PRKCA: variants seen among roughly 807,000 people sequenced by gnomAD.
PRKCA encodes protein kinase C alpha type.
A neutral mutation model predicts 87.0 loss-of-function variants in PRKCA; 27 were observed. The ratio of observed to expected loss-of-function variants is 0.31; its 90% CI spans 0.23 to 0.43. PRKCA has a LOEUF of 0.43. PRKCA is among the 20% of genes least tolerant of loss of function. The probability of loss-of-function intolerance (pLI) is 1.00; values close to 1 mark genes in which losing one functional copy is unlikely to be tolerated. For synonymous variants in PRKCA, 329 were observed against 311.1 expected, an observed-to-expected ratio of 1.06 and a Z score of -0.61; for missense variants, 518 against 852.3, an observed-to-expected ratio of 0.61 and a Z score of 4.88.
At chr17:66,559,485 A>C (rs1301519639) in intron 3 of PRKCA, among the ~76,000 whole-genome samples, 2 of 132,186 alleles carry the variant, frequency 1.5e-5, no homozygotes, top group African/African-American at 5.1e-5. Context: ...TCACCAAAAA[A>C]AAAAAAAAAA....
chr17:66,385,215 T>C (rs1206645152), intron 2 of PRKCA, among the ~76,000 whole-genome samples: 1 of 152,176 alleles, frequency 6.6e-6, no homozygotes, highest in African/African-American at 2.4e-5. Flanking sequence ...ACTGGAGCAT[T>C]TGTTGCTTTC....
intron 8 of PRKCA, among the ~76,000 whole-genome samples, chr17:66,730,834 C>T (rs753253200): frequency 6.6e-6 from 1 of 152,200 alleles, no homozygotes; most frequent in Non-Finnish European, 1.5e-5. Context: ...CACAAGGGGG[C>T]TCAATCAGTA....
chr17:66,446,949 C>T (rs1914065896), intron 2 of PRKCA, among the ~76,000 whole-genome samples: 1 of 152,090 alleles, frequency 6.6e-6, no homozygotes. Context: ...TTTTTGTCAC[C>T]CAGCGATTTC....
intron 3 of PRKCA, among the ~76,000 whole-genome samples, chr17:66,623,353 T>A (rs1287886142): frequency 6.6e-6 from 1 of 152,206 alleles, no homozygotes; most frequent in Non-Finnish European, 1.5e-5. Flanking sequence ...TTTAGAGACC[T>A]TGGAAGCCTG....
chr17:66,584,095 T>C (rs1193989580), intron 3 of PRKCA, among the ~76,000 whole-genome samples: 3 of 152,206 alleles, frequency 2.0e-5, no homozygotes, highest in African/African-American at 7.2e-5. Flanking sequence ...TTCCCCCACG[T>C]CGTCCTGGCT....
intron 2 of PRKCA, among the ~76,000 whole-genome samples, chr17:66,375,469 C>G (rs1292062879): frequency 1.3e-5 from 2 of 152,116 alleles, no homozygotes; most frequent in Non-Finnish European, 2.9e-5. Context: ...GATGGTGCTT[C>G]TAGCTGATCC....
At chr17:66,378,496 C>A (rs961179095) in intron 2 of PRKCA, among the ~76,000 whole-genome samples, 3 of 152,084 alleles carry the variant, frequency 2.0e-5, no homozygotes, top group Non-Finnish European at 4.4e-5. Context: ...CAGAAAGAAA[C>A]CCCAGACCCC....
At chr17:66,574,338 C>T (rs1309112910) in intron 3 of PRKCA, among the ~76,000 whole-genome samples, 6 of 152,262 alleles carry the variant, frequency 3.9e-5, no homozygotes, top group Admixed American at 6.5e-5. Flanking sequence ...CTGCCAGCTC[C>T]GAGCCTTGGA....
intron 3 of PRKCA, among the ~76,000 whole-genome samples, chr17:66,635,851 T>C (rs1276887618): frequency 6.6e-6 from 1 of 152,214 alleles, no homozygotes; most frequent in Non-Finnish European, 1.5e-5. Context: ...GTGCCGTGGT[T>C]ATGTAAGATG....
At chr17:66,340,465 G>A (rs1465776427) in intron 2 of PRKCA, among the ~76,000 whole-genome samples, 4 of 150,082 alleles carry the variant, frequency 2.7e-5, no homozygotes, top group Non-Finnish European at 4.4e-5. Context: ...GAATTTCTCA[G>A]AGCAGACAGG....
intron 8 of PRKCA, among the ~76,000 whole-genome samples, chr17:66,702,831 G>C (rs1157255546): frequency 1.3e-5 from 2 of 152,184 alleles, no homozygotes; most frequent in African/African-American, 4.8e-5. Flanking sequence ...TTAGGCTATA[G>C]GGTGTAACCT....
chr17:66,355,390 C>T (rs915546439), intron 2 of PRKCA, among the ~76,000 whole-genome samples: 1 of 152,168 alleles, frequency 6.6e-6, no homozygotes. Context: ...TTAAGTTTTG[C>T]ACCTGCTTGT....
intron 3 of PRKCA, among the ~76,000 whole-genome samples, chr17:66,587,519 C>T (rs1969633028): frequency 6.6e-6 from 1 of 151,816 alleles, no homozygotes; most frequent in Admixed American, 6.6e-5. Flanking sequence ...GGTTCGTTTT[C>T]CTAATGGAGG....
chr17:66,377,683 A>T (rs1207442221), intron 2 of PRKCA, among the ~76,000 whole-genome samples: 1 of 136,560 alleles, frequency 7.3e-6, no homozygotes, highest in African/African-American at 2.7e-5. Context: ...TCTATTATAT[A>T]TATATAAAGT....
intron 2 of PRKCA, among the ~76,000 whole-genome samples, chr17:66,333,324 CAA>C (rs1906465229): frequency 1.3e-5 from 2 of 152,116 alleles, no homozygotes; most frequent in Admixed American, 6.5e-5. Flanking sequence ...CTAAATGGTG[CAA>C]ATTTTATATT....
rs150388763 is a variant in PRKCA, at chr17:66,562,753, C to T, written c.288+66470C>T. ...CTGGGATTACAGGTGCGCGCCACCA[C>T]GCCCAGCTAATTTTTGTATTTTTAG... On this transcript the variant is annotated intron_variant, in intron 3 of 16. Coordinates refer to ENST00000413366, the MANE Select transcript of PRKCA (RefSeq NM_002737.3). Among the ~76,000 whole-genome samples the T allele has an allele frequency of 3.9e-4, 59 of 152,132 alleles. No homozygotes were observed. In the East Asian group the frequency reaches 8.3e-3, roughly 21 times the overall value.
At chr17:66,527,353 A>G (rs535572598) in intron 3 of PRKCA, among the ~76,000 whole-genome samples, 2 of 152,340 alleles carry the variant, frequency 1.3e-5, no homozygotes, top group South Asian at 4.1e-4. Flanking sequence ...TGCAATTTGC[A>G]TCCACAGGTC....
chr17:66,641,308 T>C lies in PRKCA; in HGVS notation c.289-47T>C, dbSNP rs2143799633. On this transcript the variant is annotated intron_variant, in intron 3 of 16. Coordinates refer to ENST00000413366, the MANE Select transcript of PRKCA (RefSeq NM_002737.3). The stretch of plus-strand genomic sequence containing the variant: ...CTGAGCTTGGCTTAATCTAAAAACG[T>C]GGTCCTTTCATGACTAAAATGAGCA... The C allele has an allele frequency of 3.5e-6, 5 of 1,416,986 alleles. No homozygotes were observed. In the South Asian group the frequency reaches 6.0e-5, roughly 17 times the overall value. 87.8% of individuals were successfully genotyped at this position (1,416,986 alleles called of 1,614,324 possible).
chr17:66,613,494 C>T (rs1181248282), intron 3 of PRKCA, among the ~76,000 whole-genome samples: 1 of 152,124 alleles, frequency 6.6e-6, no homozygotes, highest in African/African-American at 2.4e-5. Flanking sequence ...AAATTTATTC[C>T]CTCACAATTC....
Sources: allele counts gnomAD v4.1 joint callset (sites outside exome capture counted in the v4.1 genomes callset), GRCh38; gene constraint gnomAD v4.1.1; transcripts MANE v1.5; gene names NCBI Gene and HGNC (gene_info 2026-07-23, HGNC 2026-07-21).